KHDRBS3: variants seen among roughly 807,000 people sequenced by gnomAD.
The protein encoded by KHDRBS3 is KH domain-containing, RNA-binding, signal transduction-associated protein 3.
In KHDRBS3, 23 loss-of-function variants were observed where a neutral mutation model predicts 45.6. The ratio of observed to expected loss-of-function variants is 0.50; its 90% CI spans 0.36 to 0.72. The LOEUF (loss-of-function observed/expected upper bound fraction) is 0.72. Among genes scored for constraint, KHDRBS3 ranks in the 30% least tolerant of loss-of-function variants. The pLI, the probability that KHDRBS3 is intolerant of heterozygous loss-of-function variation, is 0.00. For missense variants in KHDRBS3, 352 were observed against 424.8 expected (o/e 0.83, Z 1.51); for synonymous variants, 162 against 156.5 (o/e 1.04, Z -0.26).
At chr8:135,630,214 A>T (rs969800339) in intron 7 of KHDRBS3, among the ~76,000 whole-genome samples, 5 of 152,148 alleles carry the variant, frequency 3.3e-5, no homozygotes. Context: ...TTGGGTCTGG[A>T]ATTCCTGTGG....
At chr8:135,510,336 C>T (rs552447417) in intron 1 of KHDRBS3, among the ~76,000 whole-genome samples, 9 of 152,156 alleles carry the variant, frequency 5.9e-5, no homozygotes, top group Middle Eastern at 3.4e-3. Context: ...AGTGGTTCAG[C>T]GAAGGAGAGT....
chr8:135,502,094 G>C (rs1823765082), intron 1 of KHDRBS3, among the ~76,000 whole-genome samples: 1 of 152,092 alleles, frequency 6.6e-6, no homozygotes, highest in Non-Finnish European at 1.5e-5. Flanking sequence ...AATAATATTT[G>C]ACACTAAGTC....
chr8:135,560,068 C>T (rs918653373), intron 5 of KHDRBS3, among the ~76,000 whole-genome samples: 1 of 152,020 alleles, frequency 6.6e-6, no homozygotes, highest in Non-Finnish European at 1.5e-5. Flanking sequence ...TAAAAATAAA[C>T]TAAAAAGAGA....
chr8:135,646,492 A>C (rs1831293579), intron 8 of KHDRBS3, among the ~76,000 whole-genome samples: 1 of 152,196 alleles, frequency 6.6e-6, no homozygotes, highest in Admixed American at 6.5e-5. Context: ...CCTGTGAAAA[A>C]TGAGGTCATA....
Position 135,521,301 on chromosome 8 carries a change from T to G in KHDRBS3, c.153T>G (p.Asn51Lys). 2.5e-6 allele frequency: 4 copies of G among 1,613,762 alleles called. No individual in the cohort carries two copies. Among genetic ancestry groups the G allele is most frequent in the Non-Finnish European group, 3.4e-6 (4 of 1,179,686 alleles). ...DEEKYIDVVI[N>K]KNMKLGQKVL... ...AAAAGTACATCGATGTGGTGATTAA[T>G]AAGAACATGAAGCTGGGACAGAAAG... Residue 51 changes from asparagine (N) to lysine (K), a missense_variant, in exon 2 of 9, where the codon AAT (asparagine) becomes AAG (lysine). Asn to Lys is a moderately conservative substitution (Grantham distance 94). This residue lies in a region of KHDRBS3 where 58 missense variants were observed against 64.5 expected (regional missense o/e 0.90). Transcript: ENST00000355849.
intron 1 of KHDRBS3, among the ~76,000 whole-genome samples, chr8:135,474,321 A>C (rs1029033676): frequency 6.6e-6 from 1 of 152,212 alleles, no homozygotes; most frequent in African/African-American, 2.4e-5. Flanking sequence ...TATTCACAAG[A>C]GATTTCATAC....
At chr8:135,562,109 A>G (rs779981987) in intron 5 of KHDRBS3, among the ~76,000 whole-genome samples, 3 of 152,238 alleles carry the variant, frequency 2.0e-5, no homozygotes, top group Non-Finnish European at 2.9e-5. Context: ...TAAAGTCTAC[A>G]GTAGTGTCCT....
chr8:135,587,166 C>A (rs887238865), intron 6 of KHDRBS3, among the ~76,000 whole-genome samples: 1 of 152,144 alleles, frequency 6.6e-6, no homozygotes, highest in African/African-American at 2.4e-5. Flanking sequence ...TGATATTTCT[C>A]AAGGTGAGTT....
chr8:135,583,429 G>A (rs181758720), intron 6 of KHDRBS3, among the ~76,000 whole-genome samples: 1 of 152,294 alleles, frequency 6.6e-6, no homozygotes, highest in Non-Finnish European at 1.5e-5. Context: ...TAAATGCTGA[G>A]TCTCCTGAAA....
chr8:135,542,035 A>C (rs1011212179), intron 2 of KHDRBS3: 9 of 152,230 alleles, frequency 5.9e-5, no homozygotes, highest in African/African-American at 1.7e-4. Flanking sequence ...TACAGAAGGC[A>C]TACCCTTAAT....
At chr8:135,562,254 T>C (rs1051351707) in intron 5 of KHDRBS3, among the ~76,000 whole-genome samples, 1 of 152,204 alleles carries the variant, frequency 6.6e-6, no homozygotes, top group African/African-American at 2.4e-5. Flanking sequence ...TCTCCATCTT[T>C]TATTGTGTCT....
At chr8:135,494,484 T>C (rs1379289724) in intron 1 of KHDRBS3, among the ~76,000 whole-genome samples, 1 of 152,066 alleles carries the variant, frequency 6.6e-6, no homozygotes, top group Non-Finnish European at 1.5e-5. Flanking sequence ...TTCACCGTGT[T>C]AGCCAGGATG....
intron 1 of KHDRBS3, among the ~76,000 whole-genome samples, chr8:135,461,986 A>G (rs995500546): frequency 4.6e-5 from 7 of 152,216 alleles, no homozygotes; most frequent in Non-Finnish European, 5.9e-5. Context: ...AAGGATTATT[A>G]TTTTATGTAC....
chr8:135,601,941 A>G (rs867554258), intron 6 of KHDRBS3, among the ~76,000 whole-genome samples: 3 of 152,246 alleles, frequency 2.0e-5, no homozygotes, highest in South Asian at 2.1e-4. Context: ...TCAGAACACT[A>G]GAAGATAAGA....
intron 6 of KHDRBS3, among the ~76,000 whole-genome samples, chr8:135,606,114 C>T (rs1829451074): frequency 6.6e-6 from 1 of 152,014 alleles, no homozygotes; most frequent in Non-Finnish European, 1.5e-5. Context: ...TTAGTAAATG[C>T]CTAGAAACTT....
intron 5 of KHDRBS3, among the ~76,000 whole-genome samples, chr8:135,572,615 G>T (rs1827756870): frequency 6.6e-6 from 1 of 152,242 alleles, no homozygotes; most frequent in Non-Finnish European, 1.5e-5. Context: ...CAGTGCTTGA[G>T]GGCCTGTTAG....
intron 1 of KHDRBS3, among the ~76,000 whole-genome samples, chr8:135,475,535 C>T (rs1335037225): frequency 6.6e-6 from 1 of 152,076 alleles, no homozygotes; most frequent in East Asian, 1.9e-4. Context: ...TGATCTTGAA[C>T]TCCTGACCTC....
At chr8:135,504,283 T>C (rs1238476117) in intron 1 of KHDRBS3, among the ~76,000 whole-genome samples, 2 of 152,226 alleles carry the variant, frequency 1.3e-5, no homozygotes, top group Admixed American at 6.5e-5. Context: ...AATATGCTGT[T>C]CTGGGAGTGC....
intron 7 of KHDRBS3, among the ~76,000 whole-genome samples, chr8:135,622,239 T>C (rs1057390655): frequency 6.6e-6 from 1 of 152,228 alleles, no homozygotes; most frequent in Non-Finnish European, 1.5e-5. Context: ...TAAATATTTA[T>C]TGAATAAATA....
Sources: gnomAD v4.1 joint callset for allele counts (sites outside exome capture counted in the v4.1 genomes callset) on GRCh38, gnomAD v4.1.1 for gene constraint, gnomAD v4.1.1 regional missense constraint, MANE v1.5 for transcripts, NCBI Gene and HGNC (gene_info 2026-07-23, HGNC 2026-07-21) for gene names.